The following IL1RAPL2 variants were observed in gnomAD, a reference collection of about 807,000 sequenced individuals.
IL1RAPL2 encodes interleukin 1 receptor accessory protein like 2.
In IL1RAPL2, 3 loss-of-function variants were observed where a neutral mutation model predicts 44.1. The ratio of observed to expected loss-of-function variants is 0.07; its 90% CI spans 0.03 to 0.18. The LOEUF is 0.18. Among genes scored for constraint, IL1RAPL2 ranks in the 10% least tolerant of loss-of-function variants. IL1RAPL2 has a pLI of 1.00. For synonymous variants in IL1RAPL2, 181 were observed against 178.8 expected (o/e 1.01, Z -0.10); for missense variants, 391 against 496.4 (o/e 0.79, Z 2.02).
chrX:105,247,589 GTGTATATATATATA>G (rs1205703886), intron 4 of IL1RAPL2, among the ~76,000 whole-genome samples: 2 of 95,053 alleles, frequency 2.1e-5, no homozygotes, highest in Non-Finnish European at 4.0e-5. Flanking sequence ...AGAAGTGTGT[GTGTATATATATATA>G]TGTGTGTGTG....
intron 2 of IL1RAPL2, among the ~76,000 whole-genome samples, chrX:104,915,194 T>C (rs1269273385): frequency 2.7e-5 from 3 of 111,157 alleles, no homozygotes; most frequent in Non-Finnish European, 3.8e-5. Flanking sequence ...AGTGTAAAAG[T>C]GTTCCTATTT....
chrX:104,794,985 A>G (rs182861155), intron 2 of IL1RAPL2, among the ~76,000 whole-genome samples: 6 of 111,702 alleles, frequency 5.4e-5, no homozygotes, highest in Admixed American at 9.5e-5. Flanking sequence ...GAACCTCCAA[A>G]TGTTGCTGAG....
chrX:105,655,524 CTT>C (rs58166556), intron 6 of IL1RAPL2, among the ~76,000 whole-genome samples: 5,678 of 112,360 alleles, frequency 0.051, 375 homozygotes, highest in African/African-American at 0.17. Context: ...TATAAACAGT[CTT>C]AGCCTATTTT....
intron 2 of IL1RAPL2, among the ~76,000 whole-genome samples, chrX:105,101,241 A>C (rs1185358625): frequency 1.8e-5 from 2 of 111,942 alleles, no homozygotes; most frequent in Non-Finnish European, 3.8e-5. Context: ...ATTTCGATAG[A>C]GTTTACTTGG....
rs55663757 is a variant in IL1RAPL2 at position 105,573,876 on chromosome X, G to C, written c.772+89489G>C. ...AACTAGCAATTTAGGCTATGTTTTAGAATAAATCATTCAGAAGAACTCTAT... is the reference window on the plus strand; with the variant it reads ...AACTAGCAATTTAGGCTATGTTTTACAATAAATCATTCAGAAGAACTCTAT... On this transcript the variant is annotated intron_variant, in intron 6 of 10. Coordinates refer to ENST00000372582, the MANE Select transcript of IL1RAPL2 (RefSeq NM_017416.2). Among the ~76,000 whole-genome samples, 824 of 111,528 alleles carry C rather than the reference G, an allele frequency of 7.4e-3. 10 individuals are homozygous for C. The highest frequency in any genetic ancestry group is 0.025 in the African/African-American group (775 of 30,691).
At chrX:105,699,323 T>C (rs1295007200) in intron 6 of IL1RAPL2, among the ~76,000 whole-genome samples, 2 of 111,275 alleles carry the variant, frequency 1.8e-5, no homozygotes, top group Admixed American at 9.6e-5. Context: ...ATTAGAGAGA[T>C]GCACCTCACT....
chrX:104,600,156 A>G (rs1928852354), intron 1 of IL1RAPL2, among the ~76,000 whole-genome samples: 2 of 112,478 alleles, frequency 1.8e-5, no homozygotes, highest in Admixed American at 1.9e-4. Context: ...CATTATCTAC[A>G]GGGATAAATA....
At chrX:104,806,926 G>A (rs1306950786) in intron 2 of IL1RAPL2, among the ~76,000 whole-genome samples, 1 of 111,928 alleles carries the variant, frequency 8.9e-6, no homozygotes, top group African/African-American at 3.2e-5. Flanking sequence ...AATGCTGTTG[G>A]CTGCTTGTAT....
At chrX:105,217,376 A>G (rs185660128) in intron 3 of IL1RAPL2, among the ~76,000 whole-genome samples, 1,592 of 112,272 alleles carry the variant, frequency 0.014, 30 homozygotes, top group African/African-American at 0.05. Context: ...CCATCAGGGA[A>G]ATGCAAATCA....
chrX:104,622,926 G>T (rs5962960), intron 1 of IL1RAPL2, among the ~76,000 whole-genome samples: 18,390 of 111,295 alleles, frequency 0.17, 3,748 homozygotes, highest in African/African-American at 0.57. Context: ...TTAAGGAAGA[G>T]CCTGGAATTC....
intron 2 of IL1RAPL2, among the ~76,000 whole-genome samples, chrX:104,899,396 A>G (rs1354819646): frequency 8.9e-6 from 1 of 111,855 alleles, no homozygotes; most frequent in Non-Finnish European, 1.9e-5. Flanking sequence ...TTCAAACTCA[A>G]AAAGTTGTTT....
intron 2 of IL1RAPL2, among the ~76,000 whole-genome samples, chrX:105,074,367 T>C (rs1434658082): frequency 9.0e-6 from 1 of 111,380 alleles, no homozygotes; most frequent in Non-Finnish European, 1.9e-5. Flanking sequence ...TGCGGCATTA[T>C]TTCTGAGGGC....
At chrX:105,342,636 T>G (rs984023059) in intron 5 of IL1RAPL2, among the ~76,000 whole-genome samples, 9 of 112,000 alleles carry the variant, frequency 8.0e-5, no homozygotes, top group African/African-American at 2.3e-4. Context: ...TCTGATTTAA[T>G]CATTAATGAA....
At chrX:105,435,897 G>A (rs1241598882) in intron 5 of IL1RAPL2, among the ~76,000 whole-genome samples, 1 of 110,902 alleles carries the variant, frequency 9.0e-6, no homozygotes, top group Non-Finnish European at 1.9e-5. Flanking sequence ...TGTCAGAGTG[G>A]GGGCAAGGGC....
chrX:105,334,710 C>G (rs2035014773), intron 5 of IL1RAPL2, among the ~76,000 whole-genome samples: 1 of 110,759 alleles, frequency 9.0e-6, no homozygotes, highest in Non-Finnish European at 1.9e-5. Context: ...TGGGAGAAAT[C>G]TCTCTCTCTT....
At chrX:105,405,013 C>T (rs1443156273) in intron 5 of IL1RAPL2, among the ~76,000 whole-genome samples, 1 of 111,424 alleles carries the variant, frequency 9.0e-6, no homozygotes. Flanking sequence ...TTTATTCTCA[C>T]ATATGGTTAT....
intron 5 of IL1RAPL2, among the ~76,000 whole-genome samples, chrX:105,367,032 G>T (rs1441636392): frequency 9.0e-6 from 1 of 111,348 alleles, no homozygotes; most frequent in Non-Finnish European, 1.9e-5. Flanking sequence ...ATATATACTT[G>T]CAATTGTTAT....
At chrX:104,576,840 T>C in intron 1 of IL1RAPL2, among the ~76,000 whole-genome samples, 1 of 111,730 alleles carries the variant, frequency 9.0e-6, no homozygotes, top group East Asian at 2.8e-4. Flanking sequence ...TGTTCCAACA[T>C]CTCTATGGCT....
intron 2 of IL1RAPL2, among the ~76,000 whole-genome samples, chrX:104,756,249 G>T (rs939766711): frequency 8.7e-5 from 9 of 103,085 alleles, no homozygotes; most frequent in African/African-American, 1.7e-4. Flanking sequence ...GTGTTGTTTC[G>T]AAGGAATGTA....
Sources: gnomAD v4.1 joint callset for allele counts (sites outside exome capture counted in the v4.1 genomes callset) on GRCh38, gnomAD v4.1.1 for gene constraint, MANE v1.5 for transcripts, NCBI Gene and HGNC (gene_info 2026-07-23, HGNC 2026-07-21) for gene names.